Variants in ZBTB34 observed in about 807,000 individuals in gnomAD.
ZBTB34 encodes the protein zinc finger and BTB domain-containing protein 34.
ZBTB34 carries 1 observed loss-of-function variant against 33.4 expected under a neutral mutation model. The observed-to-expected ratio is 0.03, with a 90% confidence interval of 0.01 to 0.14. ZBTB34 has a LOEUF of 0.14. ZBTB34 is among the 10% of genes least tolerant of loss of function. The pLI, the probability that ZBTB34 is intolerant of heterozygous loss-of-function variation, is 1.00. For missense variants in ZBTB34, 406 were observed against 657.2 expected, an observed-to-expected ratio of 0.62 and a Z score of 4.18; for synonymous variants, 283 against 253.5, an observed-to-expected ratio of 1.12 and a Z score of -1.11.
intron 1 of ZBTB34, among the ~76,000 whole-genome samples, chr9:126,867,705 T>A (rs1351248449): frequency 6.6e-6 from 1 of 152,046 alleles, no homozygotes; most frequent in Admixed American, 6.6e-5. Context: ...ATGTCATGCT[T>A]GGAAAGGCCT....
At chr9:126,860,806 G>C (rs2033132272) in intron 1 of ZBTB34, 67 bp downstream of exon 1, 1 of 147,250 alleles carries the variant, frequency 6.8e-6, no homozygotes, top group African/African-American at 2.5e-5. Flanking sequence ...GGGGCAGGCG[G>C]GGCGGGGGGC....
At chr9:126,870,709 C>T (rs564505445) in intron 1 of ZBTB34, among the ~76,000 whole-genome samples, 1 of 152,178 alleles carries the variant, frequency 6.6e-6, no homozygotes, top group East Asian at 1.9e-4. Flanking sequence ...GGTGGATCAT[C>T]TGAGGTCAGG....
intron 1 of ZBTB34, among the ~76,000 whole-genome samples, chr9:126,872,290 GCCTATAGTCT>G (rs1314908080): frequency 1.3e-5 from 2 of 152,214 alleles, no homozygotes; most frequent in African/African-American, 4.8e-5. Flanking sequence ...GGTGGTGCGT[GCCTATAGTCT>G]ATAGGGAGCT....
exon 2 of ZBTB34, chr9:126,881,495 A>C (rs1031717231): frequency 6.0e-6 from 1 of 166,938 alleles, no homozygotes; most frequent in South Asian, 2.1e-4. Flanking sequence ...TTCTGAGTCT[A>C]TCTCATCCCT....
chr9:126,876,147 T>G (rs1211425396), intron 1 of ZBTB34, among the ~76,000 whole-genome samples: 1 of 80,960 alleles, frequency 1.2e-5, no homozygotes, highest in Non-Finnish European at 2.5e-5. Context: ...TCCTTTTTTT[T>G]TTTTTCCCTT....
chr9:126,877,937 G>A (rs2033383686), intron 1 of ZBTB34, among the ~76,000 whole-genome samples: 1 of 152,144 alleles, frequency 6.6e-6, no homozygotes, highest in South Asian at 2.1e-4. Context: ...CCAGGAGGCA[G>A]ATGTTGCAGT....
chr9:126,860,995 C>G (rs1196193073), intron 1 of ZBTB34, among the ~76,000 whole-genome samples: 1 of 151,866 alleles, frequency 6.6e-6, no homozygotes, highest in Non-Finnish European at 1.5e-5. Flanking sequence ...GTGCTCGGTC[C>G]TGGAGTCCCG....
chr9:126,865,683 T>C (rs1407315145), intron 1 of ZBTB34, among the ~76,000 whole-genome samples: 1 of 152,170 alleles, frequency 6.6e-6, no homozygotes, highest in East Asian at 1.9e-4. Flanking sequence ...AGAATTTTAC[T>C]TAAAGATACT....
At chr9:126,868,361 G>T (rs535020534) in intron 1 of ZBTB34, among the ~76,000 whole-genome samples, 2 of 152,142 alleles carry the variant, frequency 1.3e-5, no homozygotes, top group Non-Finnish European at 2.9e-5. Flanking sequence ...GCGCATCCAT[G>T]CCTGCTTATT....
intron 1 of ZBTB34, among the ~76,000 whole-genome samples, chr9:126,865,326 C>G (rs2033187204): frequency 3.3e-5 from 5 of 152,196 alleles, no homozygotes; most frequent in Non-Finnish European, 5.9e-5. Flanking sequence ...CCTCTCTGCC[C>G]CAGACACACT....
At chr9:126,862,825 C>G (rs2033159032) in intron 1 of ZBTB34, among the ~76,000 whole-genome samples, 1 of 151,910 alleles carries the variant, frequency 6.6e-6, no homozygotes, top group Non-Finnish European at 1.5e-5. Flanking sequence ...CTTATAGTAT[C>G]TAATACTGGG....
At chr9:126,863,086 G>C (rs1285940053) in intron 1 of ZBTB34, among the ~76,000 whole-genome samples, 1 of 152,158 alleles carries the variant, frequency 6.6e-6, no homozygotes, top group South Asian at 2.1e-4. Flanking sequence ...ATGGGAAAAG[G>C]TAAAAGTCAT....
chr9:126,868,959 G>A (rs150474443), intron 1 of ZBTB34, among the ~76,000 whole-genome samples: 1 of 152,000 alleles, frequency 6.6e-6, no homozygotes, highest in Non-Finnish European at 1.5e-5. Context: ...CATGATACAC[G>A]GTGGCCGCGG....
chr9:126,862,803 C>A (rs1457082607), intron 1 of ZBTB34, among the ~76,000 whole-genome samples: 2 of 152,062 alleles, frequency 1.3e-5, no homozygotes, highest in Non-Finnish European at 2.9e-5. Flanking sequence ...TCTTAATACT[C>A]CTCTCGGAGA....
In ZBTB34 at chr9:126,877,540, C is replaced by T. The variant is rs77890819; in HGVS notation, c.-10-1850C>T. ...TTATGTTTCTGTCAGAGGATGGAGC[C>T]GGGGCTATATATACTTAAGTAGTTC... is the stretch of plus-strand genomic sequence containing the variant. On this transcript the variant is annotated intron_variant, in intron 1 of 1. Coordinates refer to ENST00000319119, the Ensembl canonical transcript of ZBTB34. Among the ~76,000 whole-genome samples the T allele has an allele frequency of 2.7e-4, 41 of 152,146 alleles. 1 individual carries two copies. In the East Asian group the frequency reaches 5.2e-3, roughly 19 times the overall value.
intron 1 of ZBTB34, 137 bp downstream of exon 1, chr9:126,860,876 G>C (rs2033133614): frequency 6.7e-6 from 1 of 148,568 alleles, no homozygotes; most frequent in Admixed American, 6.7e-5. Context: ...CTCCGCGCCT[G>C]GTCAGTCCCG....
chr9:126,868,615 G>A (rs937822764), intron 1 of ZBTB34, among the ~76,000 whole-genome samples: 1 of 152,198 alleles, frequency 6.6e-6, no homozygotes, highest in Admixed American at 6.5e-5. Flanking sequence ...CATGTCTGCC[G>A]TCCTCTGGTG....
intron 1 of ZBTB34, among the ~76,000 whole-genome samples, chr9:126,878,192 C>T (rs931104790): frequency 2.7e-5 from 4 of 150,816 alleles, no homozygotes; most frequent in South Asian, 2.1e-4. Flanking sequence ...AATAATAGGC[C>T]GGTGTGGTGA....
At chr9:126,874,494 C>G (rs1374322774) in intron 1 of ZBTB34, among the ~76,000 whole-genome samples, 2 of 152,046 alleles carry the variant, frequency 1.3e-5, no homozygotes, top group Non-Finnish European at 2.9e-5. Flanking sequence ...TCTTTGTGTG[C>G]TTAGAAAAAC....
Sources: allele counts gnomAD v4.1 joint callset (sites outside exome capture counted in the v4.1 genomes callset), GRCh38; gene constraint gnomAD v4.1.1; transcripts MANE v1.5; gene names NCBI Gene and HGNC (gene_info 2026-07-23, HGNC 2026-07-21).